DACH2: variants seen among roughly 807,000 people sequenced by gnomAD.
DACH2 encodes the protein dachshund family transcription factor 2.
In DACH2, 17 loss-of-function variants were observed where a neutral mutation model predicts 35.8. The observed-to-expected ratio is 0.48, with a 90% confidence interval of 0.33 to 0.71. The LOEUF (loss-of-function observed/expected upper bound fraction) is 0.71. Ranked by LOEUF, DACH2 falls within the 30% of genes least tolerant of loss-of-function variation. The pLI is 0.02. For synonymous variants in DACH2, 195 were observed against 177.3 expected, an observed-to-expected ratio of 1.10 and a Z score of -0.79; for missense variants, 469 against 472.7, an observed-to-expected ratio of 0.99 and a Z score of 0.07.
chrX:86,444,074 G>A (rs1241392658), intron 2 of DACH2, among the ~76,000 whole-genome samples: 1 of 111,022 alleles, frequency 9.0e-6, no homozygotes, highest in Non-Finnish European at 1.9e-5. Flanking sequence ...AGAATTGGTA[G>A]TAGCTGTTTA....
At chrX:86,593,049 T>A (rs1446918919) in intron 3 of DACH2, among the ~76,000 whole-genome samples, 1 of 111,397 alleles carries the variant, frequency 9.0e-6, no homozygotes, top group East Asian at 2.8e-4. Flanking sequence ...CAGTATGATG[T>A]TGATGATAAA....
At chrX:86,436,290 G>C (rs1380802053) in intron 2 of DACH2, among the ~76,000 whole-genome samples, 1 of 109,787 alleles carries the variant, frequency 9.1e-6, no homozygotes, top group Admixed American at 9.8e-5. Context: ...TTTTCATCTT[G>C]TTCAAGATTA....
At chrX:86,819,411 G>A (rs12864125) in intron 11 of DACH2, among the ~76,000 whole-genome samples, 35,900 of 109,458 alleles carry the variant, frequency 0.33, 4,775 homozygotes, top group Middle Eastern at 0.42. Flanking sequence ...TAAACATACC[G>A]AGTGTCATTA....
intron 2 of DACH2, among the ~76,000 whole-genome samples, chrX:86,478,370 G>A (rs1335420105): frequency 2.7e-5 from 3 of 110,418 alleles, no homozygotes; most frequent in Non-Finnish European, 1.9e-5. Context: ...ATTTTTGCCA[G>A]ACATACTATT....
chrX:86,470,312 T>C (rs1355489303), intron 2 of DACH2, among the ~76,000 whole-genome samples: 1 of 112,025 alleles, frequency 8.9e-6, no homozygotes. Context: ...TCATTTTCAA[T>C]GATTTTCTTG....
At chrX:86,808,878 T>C (rs1467834487) in intron 7 of DACH2, among the ~76,000 whole-genome samples, 1 of 111,405 alleles carries the variant, frequency 9.0e-6, no homozygotes, top group African/African-American at 3.3e-5. Flanking sequence ...TAGAGTCATG[T>C]AGAGAGCCTC....
At chrX:86,211,078 T>G (rs1433283297) in intron 1 of DACH2, among the ~76,000 whole-genome samples, 1 of 111,620 alleles carries the variant, frequency 9.0e-6, no homozygotes, top group Non-Finnish European at 1.9e-5. Flanking sequence ...TGTGATTTAC[T>G]GAGGGTTTGT....
intron 1 of DACH2, among the ~76,000 whole-genome samples, chrX:86,320,895 T>C (rs1364710275): frequency 8.9e-6 from 1 of 111,744 alleles, no homozygotes; most frequent in East Asian, 2.8e-4. Flanking sequence ...GATTCCCAAG[T>C]GGGGGAGGGG....
intron 3 of DACH2, among the ~76,000 whole-genome samples, chrX:86,567,105 G>A (rs1307945727): frequency 9.0e-6 from 1 of 111,562 alleles, no homozygotes; most frequent in Non-Finnish European, 1.9e-5. Context: ...TATTTGGTAA[G>A]TAAAGAGGAA....
chrX:86,740,021 T>A, intron 7 of DACH2, 139 bp downstream of exon 7: 1 of 546,608 alleles, frequency 1.8e-6, no homozygotes, highest in Non-Finnish European at 2.8e-6. Flanking sequence ...TGGTCTTTTG[T>A]AATTGCTGAA....
intron 4 of DACH2, among the ~76,000 whole-genome samples, chrX:86,667,582 AAG>A (rs2040709827): frequency 9.8e-6 from 1 of 102,356 alleles, no homozygotes; most frequent in Non-Finnish European, 1.9e-5. Flanking sequence ...GAAAGAAAGA[AAG>A]AAAGAAAGAA....
intron 3 of DACH2, among the ~76,000 whole-genome samples, chrX:86,580,275 G>T (rs1488220059): frequency 8.9e-6 from 1 of 111,836 alleles, no homozygotes; most frequent in African/African-American, 3.2e-5. Flanking sequence ...TTAGCACACA[G>T]AAATGAGAGA....
chrX:86,610,025 G>A (rs747242412), intron 3 of DACH2, among the ~76,000 whole-genome samples: 5 of 111,803 alleles, frequency 4.5e-5, no homozygotes, highest in East Asian at 5.7e-4. Flanking sequence ...AAAGTCAGCC[G>A]AGTCTGTGTT....
rs150225270 is a variant in DACH2, at chrX:86,445,062, C to T, written c.527+68200C>T. On this transcript the variant is annotated intron_variant, in intron 2 of 11. Coordinates refer to ENST00000373125, the MANE Select transcript of DACH2 (RefSeq NM_053281.3). ...ACTGTTCTCAATCCTCTTCTTTTTGCGGGGGTTTAATTCATTCTTGTTTTT... is the reference window on the plus strand; with the variant it reads ...ACTGTTCTCAATCCTCTTCTTTTTGTGGGGGTTTAATTCATTCTTGTTTTT... Among the ~76,000 whole-genome samples the T allele has an allele frequency of 4.1e-3, 450 of 110,720 alleles. 3 individuals are homozygous for T. Among genetic ancestry groups the T allele is most frequent in the African/African-American group, 0.014 (412 of 30,501 alleles).
At chrX:86,563,759 C>T (rs2039257392) in intron 3 of DACH2, among the ~76,000 whole-genome samples, 1 of 110,577 alleles carries the variant, frequency 9.0e-6, no homozygotes, top group South Asian at 3.8e-4. Flanking sequence ...GTATGCACTG[C>T]TATCTCCCAT....
In DACH2 at chrX:86,251,978, T is replaced by C. The variant is rs367780670; in HGVS notation, c.488+102870T>C. ...CATCAGCAGCATAGAAGTGTTTCCT[T>C]TTCACTGCGTCCATGCCAATATCTA... is the stretch of plus-strand genomic sequence containing the variant. On this transcript the variant is annotated intron_variant, in intron 1 of 11. Transcript: ENST00000373125. 3.6e-5 allele frequency among the ~76,000 whole-genome samples: 4 copies of C among 111,683 alleles called. No homozygotes were observed. In the South Asian group the frequency reaches 1.5e-3, roughly 42 times the overall value.
intron 5 of DACH2, among the ~76,000 whole-genome samples, chrX:86,701,093 C>T (rs2041137210): frequency 9.0e-6 from 1 of 111,147 alleles, no homozygotes; most frequent in African/African-American, 3.3e-5. Context: ...CCTTGATGAA[C>T]ACAGTTGGAA....
chrX:86,587,763 G>T (rs1013266354), intron 3 of DACH2, among the ~76,000 whole-genome samples: 1 of 111,523 alleles, frequency 9.0e-6, no homozygotes, highest in Non-Finnish European at 1.9e-5. Flanking sequence ...TCAGATTAGG[G>T]ATATTAAACC....
intron 3 of DACH2, among the ~76,000 whole-genome samples, chrX:86,588,201 G>A (rs1268703923): frequency 9.1e-6 from 1 of 110,372 alleles, no homozygotes. Flanking sequence ...TTTTTTCTAG[G>A]CAGTCTATTC....
Sources: gnomAD v4.1 joint callset for allele counts (sites outside exome capture counted in the v4.1 genomes callset) on GRCh38, gnomAD v4.1.1 for gene constraint, MANE v1.5 for transcripts, NCBI Gene and HGNC (gene_info 2026-07-23, HGNC 2026-07-21) for gene names.